Variants in SLC2A14 observed in about 807,000 individuals in gnomAD.
The protein encoded by SLC2A14 is solute carrier family 2 member 14.
A neutral mutation model predicts 43.0 loss-of-function variants in SLC2A14; 13 were observed. The ratio of observed to expected loss-of-function variants is 0.30; its 90% CI spans 0.20 to 0.48. The LOEUF (loss-of-function observed/expected upper bound fraction) is 0.48. Among genes scored for constraint, SLC2A14 ranks in the 20% least tolerant of loss-of-function variants. The pLI, the probability that SLC2A14 is intolerant of heterozygous loss-of-function variation, is 0.99. For missense variants in SLC2A14, 428 were observed against 620.4 expected (o/e 0.69, Z 3.29); for synonymous variants, 190 against 233.8 (o/e 0.81, Z 1.71).
At chr12:7,824,297 G>A (rs947459684) in intron 7 of SLC2A14, among the ~76,000 whole-genome samples, 6 of 152,204 alleles carry the variant, frequency 3.9e-5, no homozygotes, top group Middle Eastern at 3.4e-3. Context: ...ATATGATGAC[G>A]TCAAGCTTGT....
At chr12:7,852,194 G>A (rs1462884648) in intron 2 of SLC2A14, among the ~76,000 whole-genome samples, 1 of 152,128 alleles carries the variant, frequency 6.6e-6, no homozygotes, top group African/African-American at 2.4e-5. Flanking sequence ...TAAACGTGGG[G>A]AAGAGAAACA....
At chr12:7,863,372 G>A (rs1338810592) in intron 2 of SLC2A14, 5 of 453,438 alleles carry the variant, frequency 1.1e-5, no homozygotes, top group East Asian at 7.0e-5. Flanking sequence ...CACTCACTGC[G>A]AGGGTGTGCG....
chr12:7,834,108 T>TAC (rs1417743103), intron 2 of SLC2A14, among the ~76,000 whole-genome samples: 1 of 152,170 alleles, frequency 6.6e-6, no homozygotes, highest in Non-Finnish European at 1.5e-5. Flanking sequence ...GCCCTGCCAG[T>TAC]ACAATGCTCT....
Position 7,825,677 on chromosome 12 carries a change from C to T in SLC2A14, c.864+1818G>A, listed in dbSNP as rs574236510. On this transcript the variant is annotated intron_variant, in intron 7 of 10. Transcript: ENST00000431042. ...ACTTGGGAGGCTGAGGCAGAAGAAT[C>T]GCTTGAACCCGGAGGCAGAGGTTGC... Among the ~76,000 whole-genome samples the T allele has an allele frequency of 8.4e-4, 123 of 146,424 alleles. 1 individual carries two copies. Among genetic ancestry groups the T allele is most frequent in the Non-Finnish European group, 1.5e-3 (103 of 67,134 alleles).
At chr12:7,843,716 A>G (rs1866201681) in intron 2 of SLC2A14, among the ~76,000 whole-genome samples, 1 of 147,964 alleles carries the variant, frequency 6.8e-6, no homozygotes, top group Non-Finnish European at 1.5e-5. Context: ...TGAACCAGTG[A>G]CCCAGGGTTT....
At chr12:7,817,333 T>C (rs985018277) in intron 10 of SLC2A14, among the ~76,000 whole-genome samples, 11 of 152,096 alleles carry the variant, frequency 7.2e-5, no homozygotes, top group African/African-American at 2.4e-4. Flanking sequence ...CAGAGTGGTC[T>C]CTACCTCCCG....
At chr12:7,881,481 T>C (rs974047273) in intron 1 of SLC2A14, among the ~76,000 whole-genome samples, 1 of 152,082 alleles carries the variant, frequency 6.6e-6, no homozygotes, top group Non-Finnish European at 1.5e-5. Context: ...CCACCGGCGC[T>C]GCACTCGATT....
chr12:7,815,482 T>G (rs1376464378), intron 10 of SLC2A14, among the ~76,000 whole-genome samples: 5 of 152,222 alleles, frequency 3.3e-5, no homozygotes, highest in African/African-American at 1.2e-4. Flanking sequence ...CGTCATTTTT[T>G]TTCTATGTAT....
intron 2 of SLC2A14, among the ~76,000 whole-genome samples, chr12:7,835,039 C>T (rs900985010): frequency 1.3e-5 from 2 of 151,590 alleles, no homozygotes; most frequent in Admixed American, 6.6e-5. Context: ...GTGAGGCTAG[C>T]TGCCCTCAGA....
At chr12:7,884,479 C>T (rs7962427) in intron 1 of SLC2A14, among the ~76,000 whole-genome samples, 1 of 151,838 alleles carries the variant, frequency 6.6e-6, no homozygotes, top group Non-Finnish European at 1.5e-5. Context: ...CTGTAACTGA[C>T]CCTGAACAAT....
At chr12:7,825,823 T>A (rs1228486983) in intron 7 of SLC2A14, among the ~76,000 whole-genome samples, 1 of 124,476 alleles carries the variant, frequency 8.0e-6, no homozygotes, top group Non-Finnish European at 1.7e-5. Context: ...CACATACCAC[T>A]CTGAAGTGGG....
intron 9 of SLC2A14, among the ~76,000 whole-genome samples, chr12:7,818,487 C>T (rs763982846): frequency 1.3e-5 from 2 of 151,940 alleles, no homozygotes; most frequent in Non-Finnish European, 2.9e-5. Context: ...ATGGTGAAAC[C>T]CTGTCTCTAC....
intron 2 of SLC2A14, among the ~76,000 whole-genome samples, chr12:7,834,849 T>C (rs1052558435): frequency 6.6e-6 from 1 of 152,160 alleles, no homozygotes; most frequent in South Asian, 2.1e-4. Context: ...TGTCCAAGCT[T>C]AGATAGTCCT....
At chr12:7,879,736 G>A (rs979265289) in intron 1 of SLC2A14, among the ~76,000 whole-genome samples, 1 of 151,928 alleles carries the variant, frequency 6.6e-6, no homozygotes, top group African/African-American at 2.4e-5. Context: ...CAGGCACAGT[G>A]GCTCATGCCT....
chr12:7,817,332 C>G (rs1863537103), intron 10 of SLC2A14, among the ~76,000 whole-genome samples: 1 of 152,064 alleles, frequency 6.6e-6, no homozygotes, highest in Non-Finnish European at 1.5e-5. Flanking sequence ...TCAGAGTGGT[C>G]TCTACCTCCC....
At chr12:7,842,975 G>T (rs969989963) in intron 2 of SLC2A14, among the ~76,000 whole-genome samples, 1 of 151,968 alleles carries the variant, frequency 6.6e-6, no homozygotes, top group Non-Finnish European at 1.5e-5. Flanking sequence ...TGATCCGCCC[G>T]CCTCAGCCTC....
chr12:7,814,466 G>A lies in SLC2A14; in HGVS notation c.1344C>T (p.Phe448=), dbSNP rs1863259974. 3 of 1,613,592 alleles carry A rather than the reference G, an allele frequency of 1.9e-6. No individual in the cohort carries two copies. The highest frequency in any genetic ancestry group is 2.7e-5 in the African/African-American group (2 of 74,830). The change falls in exon 11 of 11, where the codon TTC becomes TTT. Residue 448 remains phenylalanine (F), a synonymous_variant. Transcript: ENST00000431042. Reference sequence around the variant, plus strand: ...TGCCACGGGTCTCAGGGACTTTGAAGAAGGTAAAGGCCAAGAAGGTAATGA... The same window carrying A: ...TGCCACGGGTCTCAGGGACTTTGAAAAAGGTAAAGGCCAAGAAGGTAATGA... ...GFLITFLAFT[F]FKVPETRGRT...
chr12:7,868,302 C>A (rs1371021253), intron 2 of SLC2A14, among the ~76,000 whole-genome samples: 1 of 152,226 alleles, frequency 6.6e-6, no homozygotes, highest in Non-Finnish European at 1.5e-5. Flanking sequence ...TGTTTAGACA[C>A]AATGCTATTG....
chr12:7,876,280 C>CAAAAAAAAAAAAAAAAAAA (rs59935166), upstream of SLC2A14, among the ~76,000 whole-genome samples: 1 of 68,208 alleles, frequency 1.5e-5, no homozygotes, highest in African/African-American at 5.8e-5. Flanking sequence ...AACTCCATCT[C>CAAAAAAAAAAAAAAAAAAA]AAAAAAAAAA....
Sources: allele counts gnomAD v4.1 joint callset (sites outside exome capture counted in the v4.1 genomes callset), GRCh38; gene constraint gnomAD v4.1.1; transcripts MANE v1.5; gene names NCBI Gene and HGNC (gene_info 2026-07-23, HGNC 2026-07-21).